UBN1: variants seen among roughly 807,000 people sequenced by gnomAD.
UBN1 encodes ubinuclein 1, also known as ubinuclein-1.
In UBN1, 17 loss-of-function variants were observed where a neutral mutation model predicts 108.5. That is an observed-to-expected ratio of 0.16 (90% CI 0.11 to 0.24). UBN1 has a LOEUF of 0.24. UBN1 is among the 10% of genes least tolerant of loss of function. The pLI is 1.00. For missense variants in UBN1, 1,595 were observed against 1,394.4 expected (o/e 1.14, Z -2.29); for synonymous variants, 726 against 564.2 (o/e 1.29, Z -4.07).
intron 7 of UBN1, among the ~76,000 whole-genome samples, chr16:4,861,728 G>A (rs1265003973): frequency 6.6e-6 from 1 of 152,252 alleles, no homozygotes; most frequent in Non-Finnish European, 1.5e-5. Flanking sequence ...GATCACCTGA[G>A]GTCAGGAGTT....
Position 4,852,923 on chromosome 16 carries a change from G to A in UBN1, c.6G>A (p.Ser2=), listed in dbSNP as rs2086624389. Residue 2 remains serine (S), a synonymous_variant, in exon 2 of 18, where the codon TCG becomes TCA. Coordinates refer to ENST00000262376, the MANE Select transcript of UBN1 (RefSeq NM_001079514.3). The part of the protein sequence containing the change: M[S]EPHRVQFTSL... ...GCTAAGACTTGTTGGTAGCCATGTC[G>A]GAGCCCCACAGGGTCCAGTTCACCT... is the stretch of plus-strand genomic sequence containing the variant. 2 of 1,612,998 alleles carry A rather than the reference G, an allele frequency of 1.2e-6. No homozygotes were observed. The highest frequency in any genetic ancestry group is 8.5e-7 in the Non-Finnish European group (1 of 1,179,184).
Position 4,874,286 on chromosome 16 carries a change from G to A in UBN1, c.1876G>A (p.Asp626Asn). 1 of 1,613,852 alleles carries A rather than the reference G, an allele frequency of 6.2e-7. No homozygotes were observed. Among genetic ancestry groups the A allele is most frequent in the Non-Finnish European group, 8.5e-7 (1 of 1,179,870 alleles). ...TGGTGGCCCCATTGCTTTGCCCTCA[G>A]ATCACCAAACAGGAGGCCTGAGTAT... Reference protein sequence around the residue: ...QIGGPIALPSDHQTGGLSIGA... With the variant: ...QIGGPIALPSNHQTGGLSIGA... Residue 626 changes from aspartate (D) to asparagine (N), a missense_variant, in exon 15 of 18, where the codon GAT becomes AAT. Physicochemically the swap from Asp to Asn is conservative, Grantham distance 23 (BLOSUM62 1). Transcript: ENST00000262376.
intron 1 of UBN1, among the ~76,000 whole-genome samples, chr16:4,851,873 A>G (rs981256741): frequency 4.6e-5 from 7 of 152,204 alleles, no homozygotes; most frequent in African/African-American, 1.7e-4. Flanking sequence ...CACTCTAAGC[A>G]ACACTAAACA....
chr16:4,859,268 G>A, intron 5 of UBN1, 109 bp downstream of exon 5: 1 of 1,470,592 alleles, frequency 6.8e-7, no homozygotes, highest in Non-Finnish European at 9.1e-7. Context: ...CAGGAGGATG[G>A]TGGAAAGGCA....
intron 7 of UBN1, among the ~76,000 whole-genome samples, chr16:4,865,714 A>AT (rs2087297162): frequency 6.6e-6 from 1 of 152,044 alleles, no homozygotes; most frequent in South Asian, 2.1e-4. Context: ...TAATCCCAGC[A>AT]TTTTGGGTGG....
chr16:4,870,777 C>A, intron 10 of UBN1, 67 bp from the exon 11 acceptor site: 1 of 1,604,422 alleles, frequency 6.2e-7, no homozygotes, highest in South Asian at 1.1e-5. Flanking sequence ...CCCAGTAGTG[C>A]AGAGTGAGGG....
intron 7 of UBN1, among the ~76,000 whole-genome samples, chr16:4,865,708 C>CG (rs2087296920): frequency 6.6e-6 from 1 of 151,980 alleles, no homozygotes; most frequent in African/African-American, 2.4e-5. Context: ...AGCCTGTAAT[C>CG]CCAGCATTTT....
At position 4,860,763 on chromosome 16, in the gene UBN1, G is replaced by C; in HGVS notation, c.771G>C (p.Glu257Asp). 1 of 1,614,228 alleles carries C rather than the reference G, an allele frequency of 6.2e-7. No homozygotes were observed. Among genetic ancestry groups the C allele is most frequent in the Non-Finnish European group, 8.5e-7 (1 of 1,180,040 alleles). The change falls in exon 7 of 18, where the codon GAG becomes GAC. Residue 257 changes from glutamate (E) to aspartate (D), a missense_variant. This residue lies in a region of UBN1 where 1,398 missense variants were observed against 1,194.7 expected (regional missense o/e 1.17). Transcript: ENST00000262376. ...TAAAGAAATTTCAGAAAGAGAAAGAGGCTCAGAAAAAAAGGGAGGAGGAGC... is the reference window on the plus strand; with the variant it reads ...TAAAGAAATTTCAGAAAGAGAAAGACGCTCAGAAAAAAAGGGAGGAGGAGC... ...EMLKKFQKEK[E>D]AQKKREEEHK...
intron 12 of UBN1, among the ~76,000 whole-genome samples, chr16:4,872,007 A>T (rs1269884123): frequency 6.6e-6 from 1 of 152,188 alleles, no homozygotes; most frequent in Non-Finnish European, 1.5e-5. Context: ...CCTTATTGGA[A>T]CTAAGTGCCA....
At chr16:4,880,042 C>A in intron 17 of UBN1, 41 bp from the exon 18 acceptor site, 1 of 1,608,058 alleles carries the variant, frequency 6.2e-7, no homozygotes, top group Non-Finnish European at 8.5e-7. Context: ...AATCAGAGAG[C>A]ATGAAAAACT....
intron 7 of UBN1, among the ~76,000 whole-genome samples, chr16:4,868,583 G>C (rs1284656121): frequency 6.6e-6 from 1 of 152,194 alleles, no homozygotes; most frequent in Non-Finnish European, 1.5e-5. Context: ...CTTTGACTCT[G>C]ATTTTCTTTT....
chr16:4,875,637 G>A (rs972958294), intron 15 of UBN1, among the ~76,000 whole-genome samples: 6 of 152,190 alleles, frequency 3.9e-5, no homozygotes, highest in African/African-American at 1.4e-4. Context: ...ATGGCCTAAA[G>A]CTTCTTCTGA....
chr16:4,877,163 C>T lies in UBN1; in HGVS notation c.3265+52C>T, dbSNP rs1472044015. On this transcript the variant is annotated intron_variant, in intron 16 of 17. Transcript: ENST00000262376. This position sits in a 1 kb window ranked among gnomAD's most constrained non-coding sequence, Gnocchi z 4.3. ...CACTCAGGAACCTCTAGATTGTGGC[C>T]AGGGGTCCTGCTGTTGTGTACTCTG... is the stretch of plus-strand genomic sequence containing the variant. 1.3e-6 allele frequency: 2 copies of T among 1,551,714 alleles called. No individual in the cohort carries two copies. The highest frequency in any genetic ancestry group is 3.8e-5 in the Admixed American group (2 of 51,982).
chr16:4,862,757 G>T (rs922644844), intron 7 of UBN1, among the ~76,000 whole-genome samples: 13 of 152,224 alleles, frequency 8.5e-5, no homozygotes, highest in African/African-American at 2.9e-4. Context: ...GACAGATTTA[G>T]TGGCAACAGA....
intron 7 of UBN1, among the ~76,000 whole-genome samples, chr16:4,861,654 A>T (rs2087069605): frequency 6.6e-6 from 1 of 152,200 alleles, no homozygotes; most frequent in South Asian, 2.1e-4. Context: ...ATTAAAACCC[A>T]CCATCGGCAG....
chr16:4,868,223 C>T lies in UBN1; in HGVS notation c.1111-610C>T, dbSNP rs565086309. Among the ~76,000 whole-genome samples the T allele has an allele frequency of 3.9e-5, 6 of 152,266 alleles. No homozygotes were observed. In the East Asian group the frequency reaches 9.6e-4, roughly 24 times the overall value. ...GCTTGCCATCCAGGGTGTGTGTTAACTGTGTTCTTTTCGAAAGCAAACTAA... is the reference window on the plus strand; with the variant it reads ...GCTTGCCATCCAGGGTGTGTGTTAATTGTGTTCTTTTCGAAAGCAAACTAA... On this transcript the variant is annotated intron_variant, in intron 7 of 17. Coordinates refer to ENST00000262376, the MANE Select transcript of UBN1 (RefSeq NM_001079514.3).
In UBN1 at chr16:4,859,866, A is replaced by G. The variant is rs778924012; in HGVS notation, c.569A>G (p.Lys190Arg). ...IKEKKKKSPK[K>R]RKLKEGGEKI... ...CTGTGCCTTGTCTTTAATTCTCAGAAGCGGAAGTTGAAGGAAGGTGGTGAG... is the reference window on the plus strand; with the variant it reads ...CTGTGCCTTGTCTTTAATTCTCAGAGGCGGAAGTTGAAGGAAGGTGGTGAG... The change falls in exon 6 of 18, where the codon AAG (lysine) becomes AGG (arginine). Residue 190 changes from lysine to arginine, a missense_variant and splice_region_variant. Around this residue, in one of 3 missense-constraint regions of UBN1, gnomAD observed 1,398 missense variants for 1,194.7 expected, o/e 1.17. Transcript: ENST00000262376. The G allele has an allele frequency of 1.2e-6, 2 of 1,614,016 alleles. No individual in the cohort carries two copies. The highest frequency in any genetic ancestry group is 4.5e-5 in the East Asian group (2 of 44,872).
intron 7 of UBN1, among the ~76,000 whole-genome samples, chr16:4,862,039 G>GT (rs1332023792): frequency 6.6e-6 from 1 of 152,188 alleles, no homozygotes; most frequent in Non-Finnish European, 1.5e-5. Flanking sequence ...GTCTGTTCAA[G>GT]TAACACATTT....
chr16:4,869,856 C>A (rs781430460), intron 8 of UBN1, among the ~76,000 whole-genome samples: 1 of 152,234 alleles, frequency 6.6e-6, no homozygotes, highest in African/African-American at 2.4e-5. Flanking sequence ...GAAATGCTGC[C>A]GGGAAGTGTC....
Sources: allele counts gnomAD v4.1 joint callset (sites outside exome capture counted in the v4.1 genomes callset), GRCh38; gene constraint gnomAD v4.1.1; regional missense constraint gnomAD v4.1.1; non-coding constraint Gnocchi (gnomAD v3.1); transcripts MANE v1.5; gene names NCBI Gene and HGNC (gene_info 2026-07-23, HGNC 2026-07-21).